The following SKAP2 variants were observed in gnomAD, a reference collection of about 807,000 sequenced individuals.
SKAP2 encodes the protein src kinase-associated phosphoprotein 2.
Under a neutral mutation model 54.9 loss-of-function variants are expected in SKAP2, and 28 were observed. The ratio of observed to expected loss-of-function variants is 0.51; its 90% CI spans 0.38 to 0.70. The LOEUF (loss-of-function observed/expected upper bound fraction) is 0.70, where lower values mean the gene tolerates loss of function less well. Among genes scored for constraint, SKAP2 ranks in the 30% least tolerant of loss-of-function variants. SKAP2 has a pLI of 0.00. For synonymous variants in SKAP2, 137 were observed against 134.3 expected, an observed-to-expected ratio of 1.02 and a Z score of -0.14; for missense variants, 356 against 424.1, an observed-to-expected ratio of 0.84 and a Z score of 1.41.
chr7:26,713,850 C>T (rs994978392), intron 9 of SKAP2, among the ~76,000 whole-genome samples: 4 of 152,096 alleles, frequency 2.6e-5, no homozygotes, highest in South Asian at 4.1e-4. Context: ...CCACCTGCCT[C>T]GGCCTCCCAA....
Position 26,820,235 on chromosome 7 carries a change from A to G in SKAP2, c.307+23795T>C, listed in dbSNP as rs551212017. On this transcript the variant is annotated intron_variant, in intron 4 of 12. Transcript: ENST00000345317. ...AAGAACTTGATTTTTAAAACTGTTA[A>G]TAATTGTCACAAAACATAATCCTTC... Among the ~76,000 whole-genome samples the G allele has an allele frequency of 3.9e-5, 6 of 152,324 alleles. No homozygotes were observed. The South Asian group carries it at 1.2e-3, about 32-fold the overall frequency.
downstream of SKAP2, among the ~76,000 whole-genome samples, chr7:26,665,420 T>C (rs1261822712): frequency 6.6e-6 from 1 of 152,192 alleles, no homozygotes; most frequent in African/African-American, 2.4e-5. Context: ...TTATGGGATA[T>C]ACTAACTGTA....
downstream of SKAP2, among the ~76,000 whole-genome samples, chr7:26,662,256 C>G (rs1786025245): frequency 6.6e-6 from 1 of 152,128 alleles, no homozygotes; most frequent in Admixed American, 6.6e-5. Context: ...GAGCTACAAG[C>G]ATTTTGGAAT....
intron 4 of SKAP2, among the ~76,000 whole-genome samples, chr7:26,756,484 A>G (rs7807847): frequency 0.51 from 77,961 of 151,954 alleles, 21,231 homozygotes; most frequent in East Asian, 0.88. Flanking sequence ...AGCTTCATCC[A>G]TGTCCCTACA....
intron 4 of SKAP2, among the ~76,000 whole-genome samples, chr7:26,838,532 T>C (rs1784758553): frequency 6.6e-6 from 1 of 152,186 alleles, no homozygotes. Context: ...TTATCATCAA[T>C]TATAATGAAA....
intron 6 of SKAP2, among the ~76,000 whole-genome samples, chr7:26,731,209 T>C (rs868762320): frequency 5.5e-4 from 84 of 152,222 alleles, no homozygotes; most frequent in African/African-American, 1.6e-3. Context: ...GCTACCACTC[T>C]GCACTTGCTA....
At chr7:26,824,158 C>T (rs1045189349) in intron 4 of SKAP2, among the ~76,000 whole-genome samples, 14 of 152,062 alleles carry the variant, frequency 9.2e-5, no homozygotes, top group African/African-American at 3.1e-4. Flanking sequence ...GCCACAGCCC[C>T]CCAACCTTCA....
chr7:26,717,889 T>TA (rs1787494846), intron 9 of SKAP2, among the ~76,000 whole-genome samples: 1 of 151,758 alleles, frequency 6.6e-6, no homozygotes, highest in African/African-American at 2.4e-5. Flanking sequence ...AATATTTTTT[T>TA]AAAAGTGTCA....
chr7:26,683,114 A>G lies in SKAP2; in HGVS notation c.987+1622T>C, dbSNP rs531026385. On this transcript the variant is annotated intron_variant, in intron 11 of 12. Coordinates refer to ENST00000345317, the MANE Select transcript of SKAP2 (RefSeq NM_003930.5). ...AATCTGAACTTGCAAGTGAAATCTA[A>G]TCAACGTTTTAGTTTTATACACAAT... Among the ~76,000 whole-genome samples, 4 of 152,340 alleles carry G rather than the reference A, an allele frequency of 2.6e-5. No individual in the cohort carries two copies. The South Asian group carries it at 8.3e-4, about 32-fold the overall frequency.
chr7:26,672,123 CAT>C (rs1786256709), intron 11 of SKAP2, among the ~76,000 whole-genome samples: 1 of 152,014 alleles, frequency 6.6e-6, no homozygotes, highest in Admixed American at 6.6e-5. Flanking sequence ...AGTGAGAAGA[CAT>C]ATTATTGGCA....
rs115147874 is a variant in SKAP2, at chr7:26,851,173, C to T, written c.199+2964G>A. The stretch of plus-strand genomic sequence containing the variant: ...GGTGGCTCATGCCTGTGATCCATCA[C>T]TTTGGGAGGCTGAGGCAGCTGATCT... On this transcript the variant is annotated intron_variant, in intron 3 of 12. Coordinates refer to ENST00000345317, the MANE Select transcript of SKAP2 (RefSeq NM_003930.5). 8.1e-3 allele frequency among the ~76,000 whole-genome samples: 1,216 copies of T among 149,302 alleles called. 16 individuals are homozygous for T. Among genetic ancestry groups the T allele is most frequent in the African/African-American group, 0.028 (1,137 of 40,572 alleles).
intron 1 of SKAP2, among the ~76,000 whole-genome samples, chr7:26,863,318 G>A (rs912526891): frequency 2.0e-5 from 3 of 152,138 alleles, no homozygotes; most frequent in African/African-American, 4.8e-5. Flanking sequence ...TTAAGAGCTA[G>A]AATAAGCAAT....
At chr7:26,843,258 T>C (rs1784855645) in intron 4 of SKAP2, among the ~76,000 whole-genome samples, 1 of 152,052 alleles carries the variant, frequency 6.6e-6, no homozygotes, top group Non-Finnish European at 1.5e-5. Context: ...TCTATGTCTA[T>C]GTGAAACTTT....
At chr7:26,860,740 T>C (rs1198351946) in intron 1 of SKAP2, among the ~76,000 whole-genome samples, 3 of 123,600 alleles carry the variant, frequency 2.4e-5, no homozygotes, top group Non-Finnish European at 3.5e-5. Flanking sequence ...ATTCTGCCTC[T>C]ATTTCAAATA....
At chr7:26,830,237 TGGA>T (rs1479927590) in intron 4 of SKAP2, among the ~76,000 whole-genome samples, 2 of 152,128 alleles carry the variant, frequency 1.3e-5, no homozygotes, top group Non-Finnish European at 2.9e-5. Flanking sequence ...TTGAGAGAGA[TGGA>T]GGAGAAGGGT....
chr7:26,773,297 A>G (rs912609573), intron 4 of SKAP2, among the ~76,000 whole-genome samples: 1 of 152,006 alleles, frequency 6.6e-6, no homozygotes, highest in Admixed American at 6.6e-5. Context: ...AAAGGTGAAA[A>G]CCTTCTTTTT....
chr7:26,861,384 GA>G (rs1037848610), intron 1 of SKAP2, among the ~76,000 whole-genome samples: 10 of 152,050 alleles, frequency 6.6e-5, no homozygotes, highest in Admixed American at 6.6e-4. Context: ...TTGTAGAAAA[GA>G]AAAAAATCAA....
At chr7:26,658,138 G>C in the SKAP2 span, among the ~76,000 whole-genome samples, 1 of 152,158 alleles carries the variant, frequency 6.6e-6, no homozygotes, top group African/African-American at 2.4e-5. Flanking sequence ...CCCTCACTTA[G>C]GAAAGACGCA....
At chr7:26,739,825 C>T (rs1584361291) in intron 5 of SKAP2, 62 bp downstream of exon 5, 3 of 1,200,402 alleles carry the variant, frequency 2.5e-6, no homozygotes, top group Non-Finnish European at 2.4e-6. Context: ...ATGTATACTA[C>T]AAACATGTTC....
Sources: gnomAD v4.1 joint callset for allele counts (sites outside exome capture counted in the v4.1 genomes callset) on GRCh38, gnomAD v4.1.1 for gene constraint, MANE v1.5 for transcripts, NCBI Gene and HGNC (gene_info 2026-07-23, HGNC 2026-07-21) for gene names.